The following GRB14 variants were observed in gnomAD, a reference collection of about 807,000 sequenced individuals.
GRB14 encodes the protein growth factor receptor bound protein 14, also known as growth factor receptor-bound protein 14.
Under a neutral mutation model 69.1 loss-of-function variants are expected in GRB14, and 38 were observed. The observed-to-expected ratio is 0.55, with a 90% CI of 0.42 to 0.72. The LOEUF (loss-of-function observed/expected upper bound fraction) is 0.72, where lower values mean the gene tolerates loss of function less well. GRB14 is among the 30% of genes least tolerant of loss of function. GRB14 has a pLI of 0.00. For synonymous variants in GRB14, 247 were observed against 241.3 expected (o/e 1.02, Z -0.22); for missense variants, 666 against 666.1 (o/e 1.00, Z 0.00).
chr2:164,594,727 T>C (rs1449396647), intron 2 of GRB14, among the ~76,000 whole-genome samples: 1 of 152,238 alleles, frequency 6.6e-6, no homozygotes, highest in Non-Finnish European at 1.5e-5. Flanking sequence ...TAAGTGATTC[T>C]ATGGCTAGAC....
intron 3 of GRB14, among the ~76,000 whole-genome samples, chr2:164,540,396 G>T (rs1286846603): frequency 1.3e-5 from 2 of 152,086 alleles, no homozygotes; most frequent in Non-Finnish European, 2.9e-5. Context: ...GGATCATGAG[G>T]TCAGGAGTTC....
intron 2 of GRB14, among the ~76,000 whole-genome samples, chr2:164,567,517 T>A (rs1689007371): frequency 6.6e-6 from 1 of 152,122 alleles, no homozygotes; most frequent in Non-Finnish European, 1.5e-5. Flanking sequence ...GGTAAGCATA[T>A]TGCCAAAACT....
At chr2:164,540,182 G>A (rs544793355) in intron 3 of GRB14, among the ~76,000 whole-genome samples, 4 of 152,232 alleles carry the variant, frequency 2.6e-5, no homozygotes, top group South Asian at 2.1e-4. Flanking sequence ...ACACTGCCAC[G>A]TCCAGGCCTT....
chr2:164,615,997 C>A (rs1574360518), intron 2 of GRB14, among the ~76,000 whole-genome samples: 2 of 152,076 alleles, frequency 1.3e-5, no homozygotes, highest in South Asian at 4.1e-4. Flanking sequence ...ATGGAAGTCA[C>A]TTTTAATATA....
chr2:164,553,880 G>A (rs1300377794), intron 2 of GRB14, among the ~76,000 whole-genome samples: 1 of 152,078 alleles, frequency 6.6e-6, no homozygotes, highest in African/African-American at 2.4e-5. Flanking sequence ...CTTGAACCCA[G>A]GAGGCGGAGG....
intron 4 of GRB14, 138 bp from the exon 5 acceptor site, chr2:164,525,216 C>T (rs1687738937): frequency 5.9e-6 from 4 of 677,490 alleles, no homozygotes; most frequent in South Asian, 1.7e-5. Context: ...TGAAAATGCC[C>T]GTCCTTAGAC....
chr2:164,599,617 T>C (rs1018350899), intron 2 of GRB14, among the ~76,000 whole-genome samples: 5 of 152,182 alleles, frequency 3.3e-5, no homozygotes, highest in African/African-American at 9.7e-5. Context: ...TAATAGAGAA[T>C]TGATAGAAGC....
At chr2:164,572,178 T>C (rs1689139042) in intron 2 of GRB14, among the ~76,000 whole-genome samples, 1 of 152,150 alleles carries the variant, frequency 6.6e-6, no homozygotes, top group African/African-American at 2.4e-5. Context: ...GCAAAAGTAA[T>C]TGGGGTTTTT....
chr2:164,560,137 C>A (rs1352909551), intron 2 of GRB14, among the ~76,000 whole-genome samples: 1 of 152,116 alleles, frequency 6.6e-6, no homozygotes, highest in Non-Finnish European at 1.5e-5. Context: ...CTGGCTCCCA[C>A]CTGATGCTGT....
At position 164,524,988 on chromosome 2, in the gene GRB14, T is replaced by C. The variant is rs971970690; in HGVS notation, c.678+16A>G. ...TTATGCTATTATTTATATATGTTAA[T>C]AAAAATATATTTTACCTGCAAAATC... On this transcript the variant is annotated intron_variant, in intron 5 of 13. Transcript: ENST00000263915. 7 of 1,452,086 alleles carry C rather than the reference T, an allele frequency of 4.8e-6. No homozygotes were observed. In the African/African-American group the frequency reaches 8.7e-5, roughly 18 times the overall value. The allele number at this position is 1,452,086 out of a possible 1,614,324, so 90.0% of individuals were successfully genotyped here.
chr2:164,578,519 C>T (rs924276280), intron 2 of GRB14, among the ~76,000 whole-genome samples: 10 of 123,912 alleles, frequency 8.1e-5, no homozygotes, highest in Admixed American at 2.6e-4. Context: ...AGACAATTCG[C>T]GCGCACACAC....
chr2:164,522,686 T>G (rs1421076687), intron 5 of GRB14, among the ~76,000 whole-genome samples: 1 of 152,106 alleles, frequency 6.6e-6, no homozygotes, highest in Admixed American at 6.6e-5. Context: ...CTATCTCTTC[T>G]TTGTCATCTG....
chr2:164,544,199 C>G (rs1475617169), intron 3 of GRB14, among the ~76,000 whole-genome samples: 1 of 152,116 alleles, frequency 6.6e-6, no homozygotes, highest in Non-Finnish European at 1.5e-5. Flanking sequence ...CTACTTGATG[C>G]CTAAAAGTTT....
chr2:164,561,575 T>TA (rs1374888748), intron 2 of GRB14, among the ~76,000 whole-genome samples: 1 of 152,164 alleles, frequency 6.6e-6, no homozygotes, highest in Non-Finnish European at 1.5e-5. Context: ...TTACTGCAGC[T>TA]ACACGGTGAT....
chr2:164,556,094 A>T (rs1397548392), intron 2 of GRB14, among the ~76,000 whole-genome samples: 2 of 152,142 alleles, frequency 1.3e-5, no homozygotes, highest in Admixed American at 6.5e-5. Flanking sequence ...GAATTAAGCA[A>T]CTCAGTAGTT....
intron 6 of GRB14, 57 bp from the exon 7 acceptor site, chr2:164,508,909 T>G: frequency 8.3e-7 from 1 of 1,198,388 alleles, no homozygotes; most frequent in East Asian, 2.5e-5. Flanking sequence ...TTTTTGTGTG[T>G]TTATATTATA....
In GRB14 at chr2:164,502,142, C is replaced by T; in HGVS notation, c.1104+113G>A. The T allele has an allele frequency of 5.2e-6, 3 of 574,220 alleles. No homozygotes were observed. In the South Asian group the frequency reaches 8.4e-5, roughly 16 times the overall value. 35.6% of individuals were successfully genotyped at this position (574,220 alleles called of 1,614,324 possible). Reference sequence around the variant, plus strand: ...ATACTAGAATGGTGCCAAAGAGTTACTTTACCAACAGAAAATAACATAAAT... The same window carrying T: ...ATACTAGAATGGTGCCAAAGAGTTATTTTACCAACAGAAAATAACATAAAT... On this transcript the variant is annotated intron_variant, in intron 9 of 13. Coordinates refer to ENST00000263915, the MANE Select transcript of GRB14 (RefSeq NM_004490.3).
intron 2 of GRB14, among the ~76,000 whole-genome samples, chr2:164,548,874 T>C (rs1219654642): frequency 6.6e-6 from 1 of 152,104 alleles, no homozygotes; most frequent in African/African-American, 2.4e-5. Flanking sequence ...GCCCTTTGCT[T>C]TTTTTATTTT....
rs368423595 is a variant in GRB14, at chr2:164,516,484, GAAAAAGAAAAAAAA to G, written c.816+5482_816+5495del. Among the ~76,000 whole-genome samples the G allele has an allele frequency of 3.1e-3, 403 of 131,710 alleles. 1 individual carries two copies. Among genetic ancestry groups the G allele is most frequent in the African/African-American group, 0.011 (387 of 35,518 alleles). 86.4% of individuals were successfully genotyped at this position (131,710 alleles called of 152,430 possible). A position where few individuals can be genotyped will look rare whatever the true frequency, so the allele number is the denominator to read the frequency against. On this transcript the variant is annotated intron_variant, in intron 6 of 13. Transcript: ENST00000263915. ...GCCTGGCAACAGAGGGATACTCAAAGAAAAAGAAAAAAAAAAAAAGAAAACCTACCAGATTAACA... is the reference window on the plus strand; with the variant it reads ...GCCTGGCAACAGAGGGATACTCAAAGAAAAAGAAAACCTACCAGATTAACA...
Sources: allele counts gnomAD v4.1 joint callset (sites outside exome capture counted in the v4.1 genomes callset), GRCh38; gene constraint gnomAD v4.1.1; transcripts MANE v1.5; gene names NCBI Gene and HGNC (gene_info 2026-07-23, HGNC 2026-07-21).